Variants in NKAIN2 observed in about 807,000 individuals in gnomAD.
NKAIN2 encodes the protein sodium/potassium transporting ATPase interacting 2.
A neutral mutation model predicts 32.6 loss-of-function variants in NKAIN2; 14 were observed. That is an observed-to-expected ratio of 0.43 (90% CI 0.28 to 0.67). The LOEUF (loss-of-function observed/expected upper bound fraction) is 0.67. Ranked by LOEUF, NKAIN2 falls within the 30% of genes least tolerant of loss-of-function variation. The probability of loss-of-function intolerance (pLI) is 0.17; values close to 1 mark genes in which losing one functional copy is unlikely to be tolerated. For missense variants in NKAIN2, 198 were observed against 258.3 expected, an observed-to-expected ratio of 0.77 and a Z score of 1.60; for synonymous variants, 80 against 87.2, an observed-to-expected ratio of 0.92 and a Z score of 0.46.
At chr6:123,868,050 A>T (rs184199592) in intron 1 of NKAIN2, among the ~76,000 whole-genome samples, 1 of 151,906 alleles carries the variant, frequency 6.6e-6, no homozygotes, top group Non-Finnish European at 1.5e-5. Flanking sequence ...TTGTATTTTT[A>T]GTAGAGACAG....
At chr6:124,124,182 T>C (rs925047458) in intron 1 of NKAIN2, among the ~76,000 whole-genome samples, 1 of 152,170 alleles carries the variant, frequency 6.6e-6, no homozygotes, top group African/African-American at 2.4e-5. Flanking sequence ...AGTTGAAACA[T>C]TACACTGGAA....
At chr6:124,561,619 C>CT (rs992687235) in intron 3 of NKAIN2, among the ~76,000 whole-genome samples, 2 of 152,018 alleles carry the variant, frequency 1.3e-5, no homozygotes, top group African/African-American at 4.8e-5. Context: ...TCTTCTTCTT[C>CT]TTTTTTTTCA....
chr6:124,613,271 C>T (rs1583520392), intron 3 of NKAIN2, among the ~76,000 whole-genome samples: 1 of 152,174 alleles, frequency 6.6e-6, no homozygotes, highest in African/African-American at 2.4e-5. Flanking sequence ...TGCTATTAGA[C>T]AGTCCATTCA....
chr6:124,538,705 A>T (rs760671863), intron 3 of NKAIN2, among the ~76,000 whole-genome samples: 5 of 152,076 alleles, frequency 3.3e-5, no homozygotes. Context: ...TGTGTCCTTT[A>T]TCTGACTTTT....
chr6:124,390,105 G>A (rs1336064258), intron 3 of NKAIN2, among the ~76,000 whole-genome samples: 1 of 152,076 alleles, frequency 6.6e-6, no homozygotes, highest in Non-Finnish European at 1.5e-5. Context: ...CGTCTTTGCT[G>A]CCAGTGCAAA....
At chr6:124,191,431 A>T (rs1790016490) in intron 1 of NKAIN2, among the ~76,000 whole-genome samples, 1 of 152,076 alleles carries the variant, frequency 6.6e-6, no homozygotes, top group Non-Finnish European at 1.5e-5. Flanking sequence ...AGTTTATAGA[A>T]ATATAACTAT....
chr6:124,756,024 A>AAATG (rs35592586), intron 4 of NKAIN2, among the ~76,000 whole-genome samples: 26,502 of 151,866 alleles, frequency 0.17, 2,586 homozygotes, highest in East Asian at 0.42. Flanking sequence ...AATACTTATT[A>AAATG]AATGAATGAA....
At chr6:124,512,743 G>T (rs1562230632) in intron 3 of NKAIN2, among the ~76,000 whole-genome samples, 1 of 152,074 alleles carries the variant, frequency 6.6e-6, no homozygotes, top group Non-Finnish European at 1.5e-5. Context: ...TTTTGTGGGG[G>T]AATAGAGGAA....
intron 1 of NKAIN2, among the ~76,000 whole-genome samples, chr6:124,169,328 G>A (rs1211379843): frequency 1.3e-5 from 2 of 151,996 alleles, no homozygotes. Flanking sequence ...ATTGAAAGAG[G>A]CTAATTCTGC....
chr6:124,646,724 G>A (rs1247496437), intron 3 of NKAIN2, among the ~76,000 whole-genome samples: 1 of 152,164 alleles, frequency 6.6e-6, no homozygotes, highest in African/African-American at 2.4e-5. Flanking sequence ...GCCGAGGCGA[G>A]TAGATCACTT....
At chr6:124,725,401 G>GC (rs1202579600) in intron 4 of NKAIN2, among the ~76,000 whole-genome samples, 2 of 152,060 alleles carry the variant, frequency 1.3e-5, no homozygotes, top group African/African-American at 2.4e-5. Flanking sequence ...ATCGCACCCA[G>GC]CCCCTTATGC....
At chr6:124,243,946 T>C (rs1793249951) in intron 1 of NKAIN2, among the ~76,000 whole-genome samples, 3 of 152,144 alleles carry the variant, frequency 2.0e-5, no homozygotes, top group Admixed American at 2.0e-4. Flanking sequence ...GACAATAATT[T>C]GAGCCTTTTG....
chr6:124,472,731 G>T (rs1436988809), intron 3 of NKAIN2, among the ~76,000 whole-genome samples: 1 of 148,274 alleles, frequency 6.7e-6, no homozygotes, highest in Non-Finnish European at 1.5e-5. Flanking sequence ...AAAAAAAAAA[G>T]ACCAGATTAT....
intron 2 of NKAIN2, among the ~76,000 whole-genome samples, chr6:124,325,269 G>T (rs1797365727): frequency 6.6e-6 from 1 of 152,036 alleles, no homozygotes; most frequent in South Asian, 2.1e-4. Flanking sequence ...TAGAAGAGGA[G>T]AAAACACTTT....
At chr6:123,961,250 A>G (rs1053205183) in intron 1 of NKAIN2, among the ~76,000 whole-genome samples, 1 of 152,168 alleles carries the variant, frequency 6.6e-6, no homozygotes, top group African/African-American at 2.4e-5. Flanking sequence ...TTCTACAACA[A>G]CAAAAAATAA....
Position 124,384,621 on chromosome 6 carries a change from C to A in NKAIN2, c.273+29274C>A, listed in dbSNP as rs1583165475. On this transcript the variant is annotated intron_variant, in intron 3 of 6. Transcript: ENST00000368417. Reference sequence around the variant, plus strand: ...TGCTTACAATAGTTTGACTCTCTTGCACACTTTCTGTTTTTTTGAGACAGG... The same window carrying A: ...TGCTTACAATAGTTTGACTCTCTTGAACACTTTCTGTTTTTTTGAGACAGG... Among the ~76,000 whole-genome samples, 6 of 152,244 alleles carry A rather than the reference C, an allele frequency of 3.9e-5. 2 individuals carry two copies. The highest frequency in any genetic ancestry group is 3.9e-4 in the Admixed American group (6 of 15,278).
intron 4 of NKAIN2, among the ~76,000 whole-genome samples, chr6:124,746,719 T>C (rs1777469958): frequency 6.6e-6 from 1 of 151,908 alleles, no homozygotes; most frequent in African/African-American, 2.4e-5. Flanking sequence ...GAGCATTTAG[T>C]ACTTCCATGA....
At chr6:123,840,002 T>C (rs1167196041) in intron 1 of NKAIN2, among the ~76,000 whole-genome samples, 1 of 152,098 alleles carries the variant, frequency 6.6e-6, no homozygotes, top group African/African-American at 2.4e-5. Context: ...TTTCTAACAG[T>C]TTTTGTTTTC....
At chr6:123,818,237 A>G (rs559423968) in intron 1 of NKAIN2, among the ~76,000 whole-genome samples, 13 of 152,284 alleles carry the variant, frequency 8.5e-5, no homozygotes, top group African/African-American at 2.9e-4. Flanking sequence ...TAGAAGTTTT[A>G]GGTCCAAGTA....
Sources: allele counts gnomAD v4.1 joint callset (sites outside exome capture counted in the v4.1 genomes callset), GRCh38; gene constraint gnomAD v4.1.1; transcripts MANE v1.5; gene names NCBI Gene and HGNC (gene_info 2026-07-23, HGNC 2026-07-21).